The following AFF3 variants were observed in gnomAD, a reference collection of about 807,000 sequenced individuals.
AFF3 encodes AF4/FMR2 family member 3.
In AFF3, 32 loss-of-function variants were observed where a neutral mutation model predicts 129.7. That is an observed-to-expected ratio of 0.25 (90% CI 0.19 to 0.33). The LOEUF (loss-of-function observed/expected upper bound fraction) is 0.33, where lower values mean the gene tolerates loss of function less well. AFF3 is among the 10% of genes least tolerant of loss of function. The probability of loss-of-function intolerance (pLI) is 1.00; values close to 1 mark genes in which losing one functional copy is unlikely to be tolerated. For missense variants in AFF3, 1,373 were observed against 1,592.0 expected, an observed-to-expected ratio of 0.86 and a Z score of 2.34; for synonymous variants, 644 against 635.4, an observed-to-expected ratio of 1.01 and a Z score of -0.20.
Position 99,545,983 on chromosome 2 carries a change from T to C in AFF3, c.*5491A>G, listed in dbSNP as rs147886689. 56 of 217,610 alleles carry C rather than the reference T, an allele frequency of 2.6e-4. No individual in the cohort carries two copies. Among genetic ancestry groups the C allele is most frequent in the Admixed American group, 1.7e-4 (3 of 17,278 alleles). The allele number at this position is 217,610 out of a possible 1,614,324, so 13.5% of individuals were successfully genotyped here. ...ACAAATCTCAAGTCTGAACATTTCT[T>C]GTGCTATTTGCCAGGAAGTTGTAAT... On this transcript the variant is annotated 3_prime_UTR_variant, in exon 25 of 25. Transcript: ENST00000672756.
chr2:99,901,085 C>T (rs1558959706), intron 7 of AFF3, among the ~76,000 whole-genome samples: 2 of 152,252 alleles, frequency 1.3e-5, no homozygotes, highest in Admixed American at 6.5e-5. Context: ...CATGTGTGTG[C>T]ATGCATGCAA....
chr2:99,686,977 G>A (rs1675123758), intron 11 of AFF3, among the ~76,000 whole-genome samples: 1 of 152,214 alleles, frequency 6.6e-6, no homozygotes, highest in Non-Finnish European at 1.5e-5. Context: ...CAGGCATGTT[G>A]CCAGCCAATG....
chr2:99,751,640 T>C (rs1681663198), intron 9 of AFF3, among the ~76,000 whole-genome samples: 1 of 152,206 alleles, frequency 6.6e-6, no homozygotes, highest in African/African-American at 2.4e-5. Context: ...AATTTGATCC[T>C]TCATAATGAG....
rs113455778 is a variant in AFF3, at chr2:99,952,738, C to T, written c.873+53894G>A. 1.9e-3 allele frequency among the ~76,000 whole-genome samples: 288 copies of T among 152,306 alleles called. 1 individual carries two copies. The highest frequency in any genetic ancestry group is 3.3e-3 in the South Asian group (16 of 4,826). Reference sequence around the variant, plus strand: ...CACATGTCTCATGTGTCATGTTTTCCTTTACAAGGGTCCTTCTGCTCCTTA... The same window carrying T: ...CACATGTCTCATGTGTCATGTTTTCTTTTACAAGGGTCCTTCTGCTCCTTA... On this transcript the variant is annotated intron_variant, in intron 7 of 24. Coordinates refer to ENST00000672756, the MANE Select transcript of AFF3 (RefSeq NM_001386135.1).
chr2:99,729,559 A>G (rs1679640093), intron 10 of AFF3, among the ~76,000 whole-genome samples: 1 of 152,160 alleles, frequency 6.6e-6, no homozygotes, highest in South Asian at 2.1e-4. Context: ...AGAAAGAATA[A>G]AACACAAAGC....
intron 8 of AFF3, among the ~76,000 whole-genome samples, chr2:99,783,924 T>C (rs182978622): frequency 6.6e-6 from 1 of 152,386 alleles, no homozygotes; most frequent in African/African-American, 2.4e-5. Flanking sequence ...TAAACATAGA[T>C]ATTGTATTTC....
At chr2:99,780,844 C>G (rs1684350418) in intron 8 of AFF3, among the ~76,000 whole-genome samples, 1 of 152,160 alleles carries the variant, frequency 6.6e-6, no homozygotes, top group Non-Finnish European at 1.5e-5. Flanking sequence ...GGCTGCCCAC[C>G]TTAGTATACA....
chr2:99,649,523 A>T, intron 13 of AFF3, 103 bp downstream of exon 13: 1 of 1,278,010 alleles, frequency 7.8e-7, no homozygotes, highest in Non-Finnish European at 1.1e-6. Flanking sequence ...CCCAGTTCAG[A>T]GATACTTTAG....
chr2:99,933,773 C>A (rs1040981835), intron 7 of AFF3, among the ~76,000 whole-genome samples: 4 of 152,258 alleles, frequency 2.6e-5, no homozygotes. Context: ...GGTTCCAAGT[C>A]TTTGCTATTG....
chr2:99,843,757 C>A (rs1689498450), intron 7 of AFF3, among the ~76,000 whole-genome samples: 1 of 152,112 alleles, frequency 6.6e-6, no homozygotes, highest in East Asian at 1.9e-4. Context: ...ACAGTCAAAT[C>A]TCAATAGCTC....
chr2:99,569,525 A>G (rs1033865092), intron 18 of AFF3, among the ~76,000 whole-genome samples: 2 of 152,206 alleles, frequency 1.3e-5, no homozygotes, highest in Admixed American at 1.3e-4. Flanking sequence ...TGTATTCTCT[A>G]GAGTTCTGAT....
At chr2:99,699,008 A>G (rs2104755220) in intron 11 of AFF3, among the ~76,000 whole-genome samples, 1 of 152,348 alleles carries the variant, frequency 6.6e-6, no homozygotes, top group East Asian at 1.9e-4. Flanking sequence ...GTAAACAGGG[A>G]TTTAAAAAAC....
At chr2:99,567,584 C>T (rs961792002) in intron 19 of AFF3, among the ~76,000 whole-genome samples, 18 of 152,086 alleles carry the variant, frequency 1.2e-4, no homozygotes, top group East Asian at 3.9e-4. Context: ...AATATGACGC[C>T]GGGAAGGAAT....
At chr2:99,955,236 A>C (rs2104241669) in intron 7 of AFF3, among the ~76,000 whole-genome samples, 1 of 152,326 alleles carries the variant, frequency 6.6e-6, no homozygotes, top group East Asian at 1.9e-4. Context: ...TACAGAAACT[A>C]TCAAAAATAA....
rs191028884 is a variant in AFF3 at position 99,697,173 on chromosome 2, G to C, written c.1092-24584C>G. On this transcript the variant is annotated intron_variant, in intron 11 of 24. Coordinates refer to ENST00000672756, the MANE Select transcript of AFF3 (RefSeq NM_001386135.1). The stretch of plus-strand genomic sequence containing the variant: ...TAAGCAGAGACTAGAAGAAGTAGGA[G>C]AAAGCTGGCGAGGGCGTGTTTTACA... Among the ~76,000 whole-genome samples, 5 of 152,346 alleles carry C rather than the reference G, an allele frequency of 3.3e-5. 1 individual carries two copies. Among genetic ancestry groups the C allele is most frequent in the Admixed American group, 3.3e-4 (5 of 15,306 alleles).
chr2:99,549,066 A>G lies in AFF3; in HGVS notation c.*2408T>C, dbSNP rs945323794. The G allele has an allele frequency of 8.8e-6, 2 of 227,578 alleles. No homozygotes were observed. The highest frequency in any genetic ancestry group is 4.4e-5 in the African/African-American group (2 of 45,018). The allele number at this position is 227,578 out of a possible 1,614,324, so 14.1% of individuals were successfully genotyped here. On this transcript the variant is annotated 3_prime_UTR_variant, in exon 25 of 25. Transcript: ENST00000672756. ...GGCTTCACAGGGAAGCTCATCACATAGATGTTACAACAAAGTCTGCAACTT... is the reference window on the plus strand; with the variant it reads ...GGCTTCACAGGGAAGCTCATCACATGGATGTTACAACAAAGTCTGCAACTT...
At chr2:99,934,300 C>T (rs1282193891) in intron 7 of AFF3, among the ~76,000 whole-genome samples, 8 of 152,092 alleles carry the variant, frequency 5.3e-5, no homozygotes, top group South Asian at 4.1e-4. Context: ...AACACTGACC[C>T]GACAAATGGG....
At chr2:99,640,582 A>G (rs1188003453) in intron 13 of AFF3, among the ~76,000 whole-genome samples, 1 of 151,468 alleles carries the variant, frequency 6.6e-6, no homozygotes, top group African/African-American at 2.4e-5. Flanking sequence ...TCTTGTAAAA[A>G]GAGGAGAGAG....
chr2:100,038,464 C>T (rs917064578), intron 4 of AFF3, among the ~76,000 whole-genome samples: 2 of 151,796 alleles, frequency 1.3e-5, no homozygotes, highest in South Asian at 2.1e-4. Context: ...ACAATCTCAA[C>T]CATTTTGTGA....
Sources: gnomAD v4.1 joint callset for allele counts (sites outside exome capture counted in the v4.1 genomes callset) on GRCh38, gnomAD v4.1.1 for gene constraint, MANE v1.5 for transcripts, NCBI Gene and HGNC (gene_info 2026-07-23, HGNC 2026-07-21) for gene names.